The following DLGAP2 variants were observed in gnomAD, a reference collection of about 807,000 sequenced individuals.
DLGAP2 encodes the protein DLG associated protein 2.
A neutral mutation model predicts 100.3 loss-of-function variants in DLGAP2; 26 were observed. The observed-to-expected ratio is 0.26, with a 90% confidence interval of 0.19 to 0.36. The LOEUF (loss-of-function observed/expected upper bound fraction) is 0.36. Ranked by LOEUF, DLGAP2 falls within the 10% of genes least tolerant of loss-of-function variation. The probability of loss-of-function intolerance (pLI) is 1.00; values close to 1 mark genes in which losing one functional copy is unlikely to be tolerated. For missense variants in DLGAP2, 1,858 were observed against 1,453.2 expected (o/e 1.28, Z -4.53); for synonymous variants, 886 against 630.1 (o/e 1.41, Z -6.08).
intron 2 of DLGAP2, among the ~76,000 whole-genome samples, chr8:1,024,836 A>G (rs1364960724): frequency 2.6e-5 from 4 of 152,134 alleles, no homozygotes; most frequent in Non-Finnish European, 1.5e-5. Context: ...GCTCATTTTG[A>G]AGAACCGAGA....
At chr8:1,595,962 G>T (rs1389611979) in intron 6 of DLGAP2, among the ~76,000 whole-genome samples, 3 of 151,834 alleles carry the variant, frequency 2.0e-5, no homozygotes, top group South Asian at 2.1e-4. Flanking sequence ...ATGTTGGTGT[G>T]CTGTACCCAT....
At chr8:898,476 C>G (rs1480364311) in intron 1 of DLGAP2, among the ~76,000 whole-genome samples, 2 of 152,222 alleles carry the variant, frequency 1.3e-5, no homozygotes, top group African/African-American at 4.8e-5. Flanking sequence ...GGCACACATC[C>G]AAAGCCCATG....
chr8:1,312,222 A>T (rs1800629842), intron 3 of DLGAP2, among the ~76,000 whole-genome samples: 2 of 152,234 alleles, frequency 1.3e-5, no homozygotes, highest in Non-Finnish European at 2.9e-5. Context: ...AGACCTAAAT[A>T]TAAAACACAG....
At chr8:1,461,161 GGTTGGGAGAAGGT>G (rs1798460405) in intron 3 of DLGAP2, among the ~76,000 whole-genome samples, 4 of 150,482 alleles carry the variant, frequency 2.7e-5, no homozygotes. Context: ...GCGGCATTTG[GGTTGGGAGAAGGT>G]GCTGCTGTCA....
chr8:878,905 C>G (rs541446935), intron 1 of DLGAP2, among the ~76,000 whole-genome samples: 3 of 152,160 alleles, frequency 2.0e-5, no homozygotes, highest in Non-Finnish European at 4.4e-5. Flanking sequence ...TACCTCTTCT[C>G]TTTGCAGATT....
At chr8:1,245,497 CCA>C (rs1295752397) in intron 2 of DLGAP2, among the ~76,000 whole-genome samples, 1 of 152,150 alleles carries the variant, frequency 6.6e-6, no homozygotes, top group Non-Finnish European at 1.5e-5. Context: ...GTCATGAAAA[CCA>C]CAGATAGGAT....
At chr8:743,604 T>G (rs190952956) in intron 1 of DLGAP2, among the ~76,000 whole-genome samples, 22 of 152,308 alleles carry the variant, frequency 1.4e-4, no homozygotes, top group Admixed American at 3.9e-4. Flanking sequence ...CACTCCTGTG[T>G]TTCAGGTTGG....
chr8:1,335,360 A>G (rs943611448), intron 3 of DLGAP2, among the ~76,000 whole-genome samples: 1 of 152,064 alleles, frequency 6.6e-6, no homozygotes, highest in African/African-American at 2.4e-5. Context: ...TTGGCATTAC[A>G]TTTTCACTCT....
At chr8:960,729 A>G (rs1237007333) in intron 2 of DLGAP2, among the ~76,000 whole-genome samples, 2 of 152,246 alleles carry the variant, frequency 1.3e-5, no homozygotes, top group Admixed American at 6.5e-5. Flanking sequence ...TGATGGAGTT[A>G]TAGCCCGATA....
At position 1,306,156 on chromosome 8, in the gene DLGAP2, T is replaced by G. The variant is rs1384639466; in HGVS notation, c.106+47273T>G. Among the ~76,000 whole-genome samples the G allele has an allele frequency of 1.1e-4, 17 of 150,692 alleles. 1 individual carries two copies. ...AAGAAGTAAAATTGTTATTTGCAGATGACATAATCTTATATGTAGAAAACT... is the reference window on the plus strand; with the variant it reads ...AAGAAGTAAAATTGTTATTTGCAGAGGACATAATCTTATATGTAGAAAACT... On this transcript the variant is annotated intron_variant, in intron 3 of 14. Coordinates refer to ENST00000637795, the MANE Select transcript of DLGAP2 (RefSeq NM_001346810.2).
At chr8:1,343,309 C>G (rs964785922) in intron 3 of DLGAP2, among the ~76,000 whole-genome samples, 2 of 152,194 alleles carry the variant, frequency 1.3e-5, no homozygotes, top group African/African-American at 4.8e-5. Context: ...CGTGGAGTCA[C>G]ACAGGCAGTG....
chr8:1,414,098 A>G (rs528528187), intron 3 of DLGAP2, among the ~76,000 whole-genome samples: 4 of 152,262 alleles, frequency 2.6e-5, no homozygotes, highest in Non-Finnish European at 4.4e-5. Flanking sequence ...CATTCTTTCA[A>G]GGTCAGTAAA....
At chr8:986,779 C>T (rs1007685604) in intron 2 of DLGAP2, among the ~76,000 whole-genome samples, 15 of 151,678 alleles carry the variant, frequency 9.9e-5, no homozygotes, top group African/African-American at 3.2e-4. Context: ...CCTGCCTAAG[C>T]TTCCCAAGTA....
chr8:1,190,552 C>T (rs548946436), intron 2 of DLGAP2, among the ~76,000 whole-genome samples: 2 of 152,168 alleles, frequency 1.3e-5, no homozygotes, highest in African/African-American at 4.8e-5. Flanking sequence ...CCCGTCCTTG[C>T]TTCTCATCTC....
intron 2 of DLGAP2, among the ~76,000 whole-genome samples, chr8:1,136,688 G>T (rs1796421139): frequency 6.6e-6 from 1 of 152,224 alleles, no homozygotes; most frequent in African/African-American, 2.4e-5. Flanking sequence ...GATTCCCCCA[G>T]CTTCGTGCCT....
At chr8:1,645,036 A>G (rs1004873002) in intron 8 of DLGAP2, among the ~76,000 whole-genome samples, 1 of 152,174 alleles carries the variant, frequency 6.6e-6, no homozygotes, top group African/African-American at 2.4e-5. Context: ...TCAAGGTTAG[A>G]GAGAGCTCTG....
chr8:1,139,560 T>TG (rs1796484861), intron 2 of DLGAP2, among the ~76,000 whole-genome samples: 1 of 152,076 alleles, frequency 6.6e-6, no homozygotes, highest in Admixed American at 6.5e-5. Context: ...GCCATCACCT[T>TG]GGGGGTTAAG....
chr8:1,145,417 CT>C (rs1228182291), intron 2 of DLGAP2, among the ~76,000 whole-genome samples: 2 of 152,280 alleles, frequency 1.3e-5, no homozygotes, highest in African/African-American at 4.8e-5. Context: ...CCTGGCTGAG[CT>C]GGTGTGTGGT....
At chr8:1,068,491 A>G (rs992028164) in intron 2 of DLGAP2, among the ~76,000 whole-genome samples, 9 of 152,032 alleles carry the variant, frequency 5.9e-5, no homozygotes, top group Non-Finnish European at 4.4e-5. Context: ...GGCCTTGCTC[A>G]GTGGTGTGCA....
Sources: gnomAD v4.1 joint callset for allele counts (sites outside exome capture counted in the v4.1 genomes callset) on GRCh38, gnomAD v4.1.1 for gene constraint, MANE v1.5 for transcripts, NCBI Gene and HGNC (gene_info 2026-07-23, HGNC 2026-07-21) for gene names.